Variants in DCDC1 observed in about 807,000 individuals in gnomAD.
The protein encoded by DCDC1 is doublecortin domain containing 1.
DCDC1 carries 200 observed loss-of-function variants against 178.3 expected under a neutral mutation model. The ratio of observed to expected loss-of-function variants is 1.12; its 90% confidence interval spans 1.00 to 1.26. The LOEUF (loss-of-function observed/expected upper bound fraction) is 1.26. DCDC1 is among the 50% of genes most tolerant of loss of function. The pLI is 0.00. For missense variants in DCDC1, 1,983 were observed against 1,749.2 expected (o/e 1.13, Z -2.38); for synonymous variants, 690 against 604.8 (o/e 1.14, Z -2.07).
chr11:31,056,149 C>A (rs1590896475), intron 20 of DCDC1, among the ~76,000 whole-genome samples: 1 of 151,726 alleles, frequency 6.6e-6, no homozygotes, highest in East Asian at 1.9e-4. Context: ...TTTAGTAAGT[C>A]AAGGCAGCAT....
intron 21 of DCDC1, chr11:30,943,622 T>C: frequency 2.2e-6 from 1 of 451,712 alleles, no homozygotes; most frequent in Non-Finnish European, 4.4e-6. Context: ...TTCACAACTT[T>C]TCCCCCATAG....
intron 8 of DCDC1, among the ~76,000 whole-genome samples, chr11:31,255,394 G>A (rs1043515568): frequency 2.6e-5 from 4 of 152,102 alleles, no homozygotes; most frequent in African/African-American, 9.7e-5. Flanking sequence ...CAAAGTGGCT[G>A]CACCATTATC....
intron 11 of DCDC1, among the ~76,000 whole-genome samples, chr11:31,110,686 C>T (rs867355880): frequency 5.4e-5 from 8 of 149,034 alleles, no homozygotes; most frequent in East Asian, 2.0e-4. Flanking sequence ...CTGACCACAG[C>T]GGATGCTTAA....
intron 20 of DCDC1, among the ~76,000 whole-genome samples, chr11:30,967,433 T>G (rs1327127328): frequency 6.6e-6 from 1 of 152,132 alleles, no homozygotes; most frequent in Non-Finnish European, 1.5e-5. Flanking sequence ...AAAATCTCCT[T>G]AAGCTGATAA....
intron 11 of DCDC1, among the ~76,000 whole-genome samples, chr11:31,121,074 A>G (rs994833140): frequency 1.3e-4 from 20 of 152,134 alleles, no homozygotes; most frequent in Non-Finnish European, 2.4e-4. Flanking sequence ...AAATTGCTCC[A>G]AAACACTTGT....
intron 8 of DCDC1, among the ~76,000 whole-genome samples, chr11:31,247,652 C>T (rs1943665142): frequency 6.6e-6 from 1 of 151,934 alleles, no homozygotes; most frequent in Non-Finnish European, 1.5e-5. Context: ...TTCCAATACG[C>T]TTTATGCCTC....
chr11:31,158,624 G>A (rs1359243468), intron 9 of DCDC1, among the ~76,000 whole-genome samples: 1 of 152,158 alleles, frequency 6.6e-6, no homozygotes, highest in Non-Finnish European at 1.5e-5. Flanking sequence ...AAACAGTGAA[G>A]TATAGCCTTT....
intron 20 of DCDC1, among the ~76,000 whole-genome samples, chr11:31,036,161 C>T (rs753903253): frequency 2.0e-5 from 3 of 152,200 alleles, no homozygotes; most frequent in Non-Finnish European, 4.4e-5. Flanking sequence ...CATATTCCTT[C>T]AAGACTGATC....
At chr11:31,269,790 T>A (rs993258245) in intron 7 of DCDC1, among the ~76,000 whole-genome samples, 1 of 152,110 alleles carries the variant, frequency 6.6e-6, no homozygotes, top group Non-Finnish European at 1.5e-5. Context: ...TGGGAAAAAA[T>A]ATTCCACAAT....
intron 1 of DCDC1, among the ~76,000 whole-genome samples, chr11:31,340,227 A>T (rs1427492162): frequency 1.3e-5 from 1 of 77,372 alleles, no homozygotes; most frequent in African/African-American, 5.4e-5. Context: ...CCCAGGATAT[A>T]AAAAAAAATT....
intron 21 of DCDC1, among the ~76,000 whole-genome samples, chr11:30,935,101 G>T (rs1947190623): frequency 6.6e-6 from 1 of 152,166 alleles, no homozygotes; most frequent in East Asian, 1.9e-4. Flanking sequence ...TGTCAATGGT[G>T]ATAAGTATAG....
chr11:30,971,597 G>A (rs969910537), intron 20 of DCDC1, among the ~76,000 whole-genome samples: 2 of 146,308 alleles, frequency 1.4e-5, no homozygotes, highest in African/African-American at 5.1e-5. Flanking sequence ...TTAAAAACAG[G>A]CCTTTGTTTT....
intron 8 of DCDC1, among the ~76,000 whole-genome samples, chr11:31,247,650 C>T (rs1417511402): frequency 2.6e-5 from 4 of 151,884 alleles, no homozygotes; most frequent in South Asian, 2.1e-4. Context: ...TTTTCCAATA[C>T]GCTTTATGCC....
intron 9 of DCDC1, among the ~76,000 whole-genome samples, chr11:31,194,215 C>A (rs1332149030): frequency 6.6e-6 from 1 of 152,068 alleles, no homozygotes; most frequent in Non-Finnish European, 1.5e-5. Context: ...TTAATGTCGA[C>A]AAGATTACTT....
At chr11:31,226,985 CAT>C (rs756866122) in intron 9 of DCDC1, among the ~76,000 whole-genome samples, 5 of 151,910 alleles carry the variant, frequency 3.3e-5, no homozygotes, top group African/African-American at 1.2e-4. Context: ...TAAATAAAAA[CAT>C]ATGTTTCTTA....
At chr11:30,869,450 C>T (rs999123401) in intron 38 of DCDC1, among the ~76,000 whole-genome samples, 1 of 152,196 alleles carries the variant, frequency 6.6e-6, no homozygotes, top group Non-Finnish European at 1.5e-5. Flanking sequence ...ATCTCACATT[C>T]ATCCAACAAA....
At chr11:31,200,446 C>A (rs1971155383) in intron 9 of DCDC1, among the ~76,000 whole-genome samples, 1 of 151,800 alleles carries the variant, frequency 6.6e-6, no homozygotes, top group African/African-American at 2.4e-5. Context: ...TTTTGAAAAA[C>A]CAGGAAGAAA....
chr11:31,285,601 A>C (rs1342937427), intron 7 of DCDC1, among the ~76,000 whole-genome samples: 1 of 151,920 alleles, frequency 6.6e-6, no homozygotes, highest in Non-Finnish European at 1.5e-5. Context: ...AAGCTTGAAA[A>C]TTTTCTTAAT....
intron 20 of DCDC1, among the ~76,000 whole-genome samples, chr11:31,009,171 C>T (rs1472806795): frequency 3.9e-5 from 6 of 152,098 alleles, no homozygotes; most frequent in Admixed American, 3.9e-4. Context: ...AAACAAATTA[C>T]AAATCCAAAT....
Sources: allele counts gnomAD v4.1 joint callset (sites outside exome capture counted in the v4.1 genomes callset), GRCh38; gene constraint gnomAD v4.1.1; transcripts MANE v1.5; gene names NCBI Gene and HGNC (gene_info 2026-07-23, HGNC 2026-07-21).